TMEFF1: variants seen among roughly 807,000 people sequenced by gnomAD.
TMEFF1 encodes the protein transmembrane protein with EGF like and two follistatin like domains 1.
TMEFF1 carries 20 observed loss-of-function variants against 47.5 expected under a neutral mutation model. That is an observed-to-expected ratio of 0.42 (90% CI 0.30 to 0.61). The LOEUF (loss-of-function observed/expected upper bound fraction) is 0.61. TMEFF1 is among the 20% of genes least tolerant of loss of function. The probability of loss-of-function intolerance (pLI) is 0.19; values close to 1 mark genes in which losing one functional copy is unlikely to be tolerated. For synonymous variants in TMEFF1, 162 were observed against 166.3 expected (o/e 0.97, Z 0.20); for missense variants, 411 against 471.1 (o/e 0.87, Z 1.18).
intron 1 of TMEFF1, among the ~76,000 whole-genome samples, chr9:100,475,057 T>A (rs1048112616): frequency 1.2e-4 from 19 of 152,092 alleles, no homozygotes; most frequent in African/African-American, 4.1e-4. Flanking sequence ...GAGCCTTCTC[T>A]TGTCTTCTTT....
intron 7 of TMEFF1, among the ~76,000 whole-genome samples, chr9:100,554,433 C>T (rs961447603): frequency 6.6e-6 from 1 of 151,624 alleles, no homozygotes; most frequent in African/African-American, 2.4e-5. Context: ...GTGACAGTGG[C>T]GAGCACATCA....
chr9:100,516,615 A>G, intron 4 of TMEFF1, 60 bp from the exon 5 acceptor site: 1 of 1,579,442 alleles, frequency 6.3e-7, no homozygotes. Flanking sequence ...TGAAAACATG[A>G]AGCATATCTG....
chr9:100,483,040 T>G (rs1395188245), intron 1 of TMEFF1, among the ~76,000 whole-genome samples: 1 of 152,194 alleles, frequency 6.6e-6, no homozygotes, highest in Non-Finnish European at 1.5e-5. Flanking sequence ...ATTCTTTAGG[T>G]GGATATAGAT....
At chr9:100,572,408 T>C in intron 8 of TMEFF1, 110 bp from the exon 9 acceptor site, 5 of 1,227,914 alleles carry the variant, frequency 4.1e-6, no homozygotes, top group Non-Finnish European at 5.3e-6. Flanking sequence ...AAGTGCATGA[T>C]ATCCTATTCC....
At chr9:100,474,342 C>A (rs892245651) in intron 1 of TMEFF1, among the ~76,000 whole-genome samples, 1 of 150,640 alleles carries the variant, frequency 6.6e-6, no homozygotes, top group Non-Finnish European at 1.5e-5. Context: ...CGCGCGCGCG[C>A]GCGTGTGTGT....
intron 5 of TMEFF1, among the ~76,000 whole-genome samples, chr9:100,534,013 G>T (rs1396852379): frequency 6.6e-6 from 1 of 152,112 alleles, no homozygotes; most frequent in East Asian, 1.9e-4. Flanking sequence ...CACCACTCCC[G>T]GCCTTTATCT....
At chr9:100,512,542 C>T (rs1564014417) in intron 3 of TMEFF1, among the ~76,000 whole-genome samples, 1 of 152,114 alleles carries the variant, frequency 6.6e-6, no homozygotes, top group Non-Finnish European at 1.5e-5. Context: ...GCTCTCTCTG[C>T]TTTTTAAAAT....
At chr9:100,532,399 A>C (rs560070549) in intron 5 of TMEFF1, among the ~76,000 whole-genome samples, 1 of 152,222 alleles carries the variant, frequency 6.6e-6, no homozygotes, top group South Asian at 2.1e-4. Flanking sequence ...TTACAAGAAA[A>C]AAACAACCCC....
chr9:100,568,659 A>G (rs989569680), intron 8 of TMEFF1, among the ~76,000 whole-genome samples: 6 of 151,756 alleles, frequency 4.0e-5, no homozygotes, highest in Non-Finnish European at 8.8e-5. Context: ...CATCACCACA[A>G]TCAATTTTAG....
intron 8 of TMEFF1, among the ~76,000 whole-genome samples, chr9:100,565,089 G>A (rs1328968735): frequency 6.6e-6 from 1 of 152,104 alleles, no homozygotes; most frequent in Admixed American, 6.5e-5. Context: ...ATGCCTGTGG[G>A]ATATCCGCTT....
rs565663192 is a variant in TMEFF1, at chr9:100,567,904, C to CA, written c.900-4612dup. ...AATCATGGGGGAAGGCAAAGAGGAGCAAGTCACATCTTACCTGGATGGCAG... is the reference window on the plus strand; with the variant it reads ...AATCATGGGGGAAGGCAAAGAGGAGCAAAGTCACATCTTACCTGGATGGCAG... On this transcript the variant is annotated intron_variant, in intron 8 of 9. Coordinates refer to ENST00000374879, the MANE Select transcript of TMEFF1 (RefSeq NM_003692.5). Among the ~76,000 whole-genome samples, 17 of 152,266 alleles carry CA rather than the reference C, an allele frequency of 1.1e-4. No individual in the cohort carries two copies. The South Asian group carries it at 2.9e-3, about 26-fold the overall frequency.
chr9:100,533,117 T>C (rs966889474), intron 5 of TMEFF1, among the ~76,000 whole-genome samples: 20 of 147,054 alleles, frequency 1.4e-4, no homozygotes, highest in African/African-American at 4.2e-4. Context: ...AGGGATAGCA[T>C]TGGGAGATAT....
intron 1 of TMEFF1, among the ~76,000 whole-genome samples, chr9:100,476,239 G>A (rs983567623): frequency 3.3e-5 from 5 of 152,054 alleles, no homozygotes; most frequent in East Asian, 3.9e-4. Context: ...ATTTGGGAAC[G>A]ATTCATATGG....
intron 5 of TMEFF1, among the ~76,000 whole-genome samples, chr9:100,530,412 C>T (rs1456132500): frequency 3.9e-5 from 6 of 151,986 alleles, no homozygotes; most frequent in East Asian, 3.9e-4. Context: ...ATATCACCAC[C>T]GATCCCACAG....
At chr9:100,563,127 A>G (rs927619045) in intron 8 of TMEFF1, among the ~76,000 whole-genome samples, 2 of 151,950 alleles carry the variant, frequency 1.3e-5, no homozygotes, top group Non-Finnish European at 1.5e-5. Context: ...AATTTTTTGC[A>G]TTTTTGGTAG....
intron 1 of TMEFF1, among the ~76,000 whole-genome samples, chr9:100,488,031 T>A (rs1837483763): frequency 6.6e-6 from 1 of 152,178 alleles, no homozygotes; most frequent in South Asian, 2.1e-4. Flanking sequence ...CCTATTCTAC[T>A]TAGTGTTGCA....
intron 5 of TMEFF1, among the ~76,000 whole-genome samples, chr9:100,531,681 C>A (rs985599633): frequency 2.6e-5 from 4 of 152,036 alleles, no homozygotes; most frequent in Non-Finnish European, 5.9e-5. Context: ...TTTACAGATT[C>A]AATGCCATCC....
At chr9:100,490,700 GT>G (rs11313000) in intron 1 of TMEFF1, among the ~76,000 whole-genome samples, 114,759 of 147,022 alleles carry the variant, frequency 0.78, 44,720 homozygotes, top group Admixed American at 0.83. Context: ...TCACATTGAG[GT>G]TTTTTTTTTT....
intron 1 of TMEFF1, among the ~76,000 whole-genome samples, chr9:100,483,720 T>C (rs2118253300): frequency 6.6e-6 from 1 of 152,286 alleles, no homozygotes; most frequent in African/African-American, 2.4e-5. Context: ...CCAATTAAGA[T>C]TTTACCACAT....
Sources: allele counts gnomAD v4.1 joint callset (sites outside exome capture counted in the v4.1 genomes callset), GRCh38; gene constraint gnomAD v4.1.1; transcripts MANE v1.5; gene names NCBI Gene and HGNC (gene_info 2026-07-23, HGNC 2026-07-21).